The following DLGAP1 variants were observed in gnomAD, a reference collection of about 807,000 sequenced individuals.
DLGAP1 encodes the protein DLG associated protein 1.
A neutral mutation model predicts 90.8 loss-of-function variants in DLGAP1; 11 were observed. That is an observed-to-expected ratio of 0.12 (90% CI 0.08 to 0.20). The LOEUF (loss-of-function observed/expected upper bound fraction) is 0.20. DLGAP1 is among the 10% of genes least tolerant of loss of function. The pLI is 1.00. For missense variants in DLGAP1, 1,050 were observed against 1,333.8 expected, an observed-to-expected ratio of 0.79 and a Z score of 3.31; for synonymous variants, 558 against 540.7, an observed-to-expected ratio of 1.03 and a Z score of -0.44.
intron 2 of DLGAP1, among the ~76,000 whole-genome samples, chr18:4,138,674 T>G (rs1003318752): frequency 6.6e-6 from 1 of 152,022 alleles, no homozygotes; most frequent in Non-Finnish European, 1.5e-5. Context: ...GACATATTTG[T>G]TCTTCCTCTA....
chr18:4,318,255 C>G lies in DLGAP1; in HGVS notation c.-267+136751G>C, dbSNP rs569957495. On this transcript the variant is annotated intron_variant, in intron 1 of 12. Coordinates refer to ENST00000315677, the MANE Select transcript of DLGAP1 (RefSeq NM_004746.4). ...CTTTTTATTTCCAGCATCACTAAAA[C>G]ATTCCTCTGTGGCTTCACCATTCAT... 6.6e-4 allele frequency among the ~76,000 whole-genome samples: 101 copies of G among 152,292 alleles called. 1 individual carries two copies. The highest frequency in any genetic ancestry group is 2.3e-3 in the African/African-American group (97 of 41,578).
chr18:4,331,404 C>T (rs1326905819), intron 1 of DLGAP1, among the ~76,000 whole-genome samples: 9 of 151,804 alleles, frequency 5.9e-5, no homozygotes, highest in Non-Finnish European at 5.9e-5. Flanking sequence ...TCAGAAAACA[C>T]AAAAAACTCG....
chr18:4,042,368 A>T (rs2074987800), intron 2 of DLGAP1, among the ~76,000 whole-genome samples: 1 of 152,240 alleles, frequency 6.6e-6, no homozygotes, highest in South Asian at 2.1e-4. Flanking sequence ...TCAATATATT[A>T]CATGATATTT....
At chr18:4,028,138 C>T (rs2074733266) in intron 2 of DLGAP1, among the ~76,000 whole-genome samples, 1 of 152,174 alleles carries the variant, frequency 6.6e-6, no homozygotes, top group Non-Finnish European at 1.5e-5. Flanking sequence ...TTAGCTCTTC[C>T]TTTCCTAGAT....
intron 2 of DLGAP1, among the ~76,000 whole-genome samples, chr18:4,059,885 G>A (rs531437130): frequency 6.6e-6 from 1 of 152,260 alleles, no homozygotes; most frequent in South Asian, 2.1e-4. Flanking sequence ...AAGATGCAGA[G>A]GCAGGCTCAA....
intron 5 of DLGAP1, among the ~76,000 whole-genome samples, chr18:3,790,658 C>T (rs2065689775): frequency 6.6e-6 from 1 of 152,138 alleles, no homozygotes; most frequent in African/African-American, 2.4e-5. Context: ...AGGAAACAGA[C>T]ATCAGATTTA....
intron 2 of DLGAP1, chr18:4,013,882 A>G (rs997399744): frequency 6.6e-6 from 1 of 152,204 alleles, no homozygotes; most frequent in African/African-American, 2.4e-5. Flanking sequence ...CATAACGAAC[A>G]TATTTCTATA....
chr18:4,423,202 C>T (rs2083079933), intron 1 of DLGAP1, among the ~76,000 whole-genome samples: 1 of 152,120 alleles, frequency 6.6e-6, no homozygotes, highest in South Asian at 2.1e-4. Context: ...CTGGTATTTG[C>T]TTCTTCACCT....
chr18:4,349,019 T>C (rs978270544), intron 1 of DLGAP1, among the ~76,000 whole-genome samples: 6 of 152,102 alleles, frequency 3.9e-5, no homozygotes, highest in African/African-American at 7.2e-5. Flanking sequence ...AAACAGGACA[T>C]TGGCATAGTC....
At chr18:3,717,664 G>A (rs1386811699) in intron 7 of DLGAP1, among the ~76,000 whole-genome samples, 1 of 152,178 alleles carries the variant, frequency 6.6e-6, no homozygotes, top group African/African-American at 2.4e-5. Context: ...CTTCTGTGGA[G>A]ACATCAGAGT....
At chr18:3,533,793 A>G (rs2052163383) in intron 10 of DLGAP1, among the ~76,000 whole-genome samples, 1 of 152,192 alleles carries the variant, frequency 6.6e-6, no homozygotes, top group Non-Finnish European at 1.5e-5. Flanking sequence ...GGTATATAGT[A>G]GATGTATATA....
intron 2 of DLGAP1, among the ~76,000 whole-genome samples, chr18:4,020,224 C>T (rs966389567): frequency 3.9e-5 from 6 of 152,244 alleles, no homozygotes; most frequent in Non-Finnish European, 7.4e-5. Context: ...GTCCAACCCC[C>T]GACTTCCTGT....
chr18:3,956,550 G>A (rs753680901), intron 3 of DLGAP1, among the ~76,000 whole-genome samples: 14 of 152,054 alleles, frequency 9.2e-5, no homozygotes, highest in Non-Finnish European at 1.5e-4. Flanking sequence ...GGTTTTCGCC[G>A]TGTTAGCCAG....
At chr18:4,350,370 T>C (rs1254526417) in intron 1 of DLGAP1, among the ~76,000 whole-genome samples, 1 of 152,172 alleles carries the variant, frequency 6.6e-6, no homozygotes, top group Admixed American at 6.5e-5. Context: ...TTAAATGAGA[T>C]ATTATATTTT....
At chr18:3,567,359 C>T (rs1265536384) in intron 9 of DLGAP1, 131 bp downstream of exon 9, 3 of 721,404 alleles carry the variant, frequency 4.2e-6, no homozygotes, top group Non-Finnish European at 7.0e-6. Flanking sequence ...ATTGATTCAA[C>T]TTCACCCTTT....
chr18:3,523,938 A>C (rs1260372468), intron 10 of DLGAP1, among the ~76,000 whole-genome samples: 2 of 152,104 alleles, frequency 1.3e-5, no homozygotes, highest in African/African-American at 4.8e-5. Context: ...AGAAACAAAA[A>C]TGGGCAAAAG....
At chr18:3,634,013 T>C (rs1176713238) in intron 7 of DLGAP1, among the ~76,000 whole-genome samples, 8 of 152,164 alleles carry the variant, frequency 5.3e-5, no homozygotes, top group Admixed American at 5.2e-4. Context: ...CCCAGCATAT[T>C]AGAATAATTT....
At chr18:3,934,572 A>C (rs763132713) in intron 3 of DLGAP1, among the ~76,000 whole-genome samples, 1 of 152,224 alleles carries the variant, frequency 6.6e-6, no homozygotes, top group African/African-American at 2.4e-5. Context: ...TGCCTTCAAA[A>C]CACTTACAGA....
chr18:4,116,320 G>A (rs35667888), intron 2 of DLGAP1, among the ~76,000 whole-genome samples: 326 of 152,248 alleles, frequency 2.1e-3, no homozygotes, highest in Middle Eastern at 3.4e-3. Context: ...GTGTCCGAGC[G>A]TGAATTTCTT....
Sources: gnomAD v4.1 joint callset for allele counts (sites outside exome capture counted in the v4.1 genomes callset) on GRCh38, gnomAD v4.1.1 for gene constraint, MANE v1.5 for transcripts, NCBI Gene and HGNC (gene_info 2026-07-23, HGNC 2026-07-21) for gene names.